B3GALT1: variants seen among roughly 807,000 people sequenced by gnomAD.
B3GALT1 encodes UDP-Gal:betaGlcNAc beta 1,3-galactosyltransferase, polypeptide 1.
B3GALT1 carries 10 observed loss-of-function variants against 23.2 expected under a neutral mutation model. The observed-to-expected ratio is 0.43, with a 90% confidence interval of 0.27 to 0.73. The LOEUF (loss-of-function observed/expected upper bound fraction) is 0.73, where lower values mean the gene tolerates loss of function less well. Among genes scored for constraint, B3GALT1 ranks in the 30% least tolerant of loss-of-function variants. The pLI is 0.21. For missense variants in B3GALT1, 299 were observed against 405.4 expected (o/e 0.74, Z 2.25); for synonymous variants, 156 against 141.5 (o/e 1.10, Z -0.73).
At position 167,740,413 on chromosome 2, in the gene B3GALT1, A is replaced by G. The variant is rs141676560; in HGVS notation, c.-351-78259A>G. On this transcript the variant is annotated intron_variant, in intron 3 of 4. Coordinates refer to ENST00000392690, the MANE Select transcript of B3GALT1 (RefSeq NM_020981.4). ...CATCAGTGAAACCACCTTTAATGAG[A>G]TGTCTTTGGCCCAGCTGGCATTCCT... 2.3e-3 allele frequency among the ~76,000 whole-genome samples: 348 copies of G among 152,270 alleles called. 2 individuals carry two copies. The highest frequency in any genetic ancestry group is 8.1e-3 in the African/African-American group (336 of 41,548).
chr2:167,310,254 T>G (rs756604647), intron 1 of B3GALT1, among the ~76,000 whole-genome samples: 3 of 152,090 alleles, frequency 2.0e-5, no homozygotes, highest in Non-Finnish European at 4.4e-5. Context: ...TAACTTATAT[T>G]TGTACTGGTG....
At chr2:167,541,786 T>A (rs1241055796) in intron 2 of B3GALT1, among the ~76,000 whole-genome samples, 1 of 152,096 alleles carries the variant, frequency 6.6e-6, no homozygotes, top group Non-Finnish European at 1.5e-5. Flanking sequence ...ATTATTTAAT[T>A]CATTATTCCT....
chr2:167,351,604 G>A (rs1038461967), intron 1 of B3GALT1, among the ~76,000 whole-genome samples: 21 of 152,130 alleles, frequency 1.4e-4, no homozygotes, highest in Admixed American at 5.2e-4. Context: ...GAGTGGTCAG[G>A]ATTGAAGATT....
chr2:167,647,116 T>C (rs989211959), intron 3 of B3GALT1, among the ~76,000 whole-genome samples, 150 bp downstream of exon 3: 1 of 152,186 alleles, frequency 6.6e-6, no homozygotes, highest in Non-Finnish European at 1.5e-5. Flanking sequence ...AAATTAGACA[T>C]GAACCTTCTC....
intron 1 of B3GALT1, among the ~76,000 whole-genome samples, chr2:167,435,667 A>T (rs1228118992): frequency 6.6e-6 from 1 of 152,082 alleles, no homozygotes; most frequent in Non-Finnish European, 1.5e-5. Flanking sequence ...AATAAGCTCA[A>T]AGATACATAG....
chr2:167,400,178 G>GTGTGTGTGTGTGTGTGTGTGTGTGTGTC (rs1698164784), intron 1 of B3GALT1, among the ~76,000 whole-genome samples: 16 of 151,092 alleles, frequency 1.1e-4, no homozygotes, highest in Admixed American at 1.1e-3. Flanking sequence ...GTGTGTGTGT[G>GTGTGTGTGTGTGTGTGTGTGTGTGTGTC]TGTGTGTGTG....
At chr2:167,585,969 AG>A (rs1379684917) in intron 2 of B3GALT1, among the ~76,000 whole-genome samples, 12 of 152,332 alleles carry the variant, frequency 7.9e-5, no homozygotes, top group African/African-American at 2.4e-4. Flanking sequence ...CTATGATGAG[AG>A]GTCAAAATAG....
At chr2:167,362,571 C>A (rs1697514783) in intron 1 of B3GALT1, among the ~76,000 whole-genome samples, 1 of 151,908 alleles carries the variant, frequency 6.6e-6, no homozygotes, top group African/African-American at 2.4e-5. Flanking sequence ...CGTTCATTCC[C>A]ACCCCCATTC....
intron 1 of B3GALT1, among the ~76,000 whole-genome samples, chr2:167,462,792 T>A (rs574995164): frequency 1.2e-3 from 184 of 152,318 alleles, no homozygotes; most frequent in African/African-American, 3.4e-3. Context: ...TAGCTCATTA[T>A]AACACATTAT....
intron 2 of B3GALT1, among the ~76,000 whole-genome samples, chr2:167,618,118 C>G (rs1046580214): frequency 1.3e-5 from 2 of 152,034 alleles, no homozygotes; most frequent in African/African-American, 4.8e-5. Flanking sequence ...AATTTTCCTT[C>G]TTGTTACCTG....
chr2:167,607,745 G>A (rs577654029), intron 2 of B3GALT1, among the ~76,000 whole-genome samples: 2 of 152,156 alleles, frequency 1.3e-5, no homozygotes, highest in Admixed American at 6.5e-5. Context: ...TTTAGTGTGG[G>A]CTCCTACTAC....
intron 2 of B3GALT1, among the ~76,000 whole-genome samples, chr2:167,536,072 A>C (rs1683418072): frequency 1.3e-5 from 2 of 151,996 alleles, no homozygotes; most frequent in South Asian, 4.2e-4. Flanking sequence ...ATGCCCAGCT[A>C]ATTTTTGTAC....
At chr2:167,538,415 G>A (rs1415312113) in intron 2 of B3GALT1, among the ~76,000 whole-genome samples, 1 of 152,070 alleles carries the variant, frequency 6.6e-6, no homozygotes, top group East Asian at 1.9e-4. Context: ...CTATATTTAT[G>A]TTTTTAAAGT....
intron 1 of B3GALT1, among the ~76,000 whole-genome samples, chr2:167,308,914 G>A (rs1272822871): frequency 6.6e-6 from 1 of 151,914 alleles, no homozygotes; most frequent in African/African-American, 2.4e-5. Flanking sequence ...ACTCCTTTTG[G>A]ACTGTGGCAT....
At chr2:167,681,569 C>G (rs1686531743) in intron 3 of B3GALT1, among the ~76,000 whole-genome samples, 1 of 152,176 alleles carries the variant, frequency 6.6e-6, no homozygotes, top group Admixed American at 6.5e-5. Context: ...AAAAATATAG[C>G]AAGAAGACAA....
At chr2:167,667,538 CAG>C (rs1686225834) in intron 3 of B3GALT1, among the ~76,000 whole-genome samples, 2 of 152,190 alleles carry the variant, frequency 1.3e-5, no homozygotes, top group Non-Finnish European at 2.9e-5. Context: ...TAATATCCTG[CAG>C]AGTGTTTTCC....
intron 3 of B3GALT1, among the ~76,000 whole-genome samples, chr2:167,664,506 T>C (rs552664313): frequency 9.7e-4 from 147 of 152,244 alleles, no homozygotes; most frequent in African/African-American, 3.4e-3. Context: ...AAGAAAGTCA[T>C]TGGTAGCTTG....
chr2:167,620,240 T>C (rs2105438582), intron 2 of B3GALT1, among the ~76,000 whole-genome samples: 1 of 152,152 alleles, frequency 6.6e-6, no homozygotes, highest in South Asian at 2.1e-4. Flanking sequence ...AAACTTGGGA[T>C]GTCCATAGAA....
At chr2:167,665,421 T>C (rs1234720198) in intron 3 of B3GALT1, among the ~76,000 whole-genome samples, 1 of 148,354 alleles carries the variant, frequency 6.7e-6, no homozygotes, top group South Asian at 2.2e-4. Flanking sequence ...GGTCTAAAAT[T>C]CTCTTTTTTG....
Sources: gnomAD v4.1 joint callset for allele counts (sites outside exome capture counted in the v4.1 genomes callset) on GRCh38, gnomAD v4.1.1 for gene constraint, MANE v1.5 for transcripts, NCBI Gene and HGNC (gene_info 2026-07-23, HGNC 2026-07-21) for gene names.